ZCCHC7: variants seen among roughly 807,000 people sequenced by gnomAD.
ZCCHC7 encodes the protein zinc finger CCHC-type containing 7, also known as zinc finger CCHC domain-containing protein 7.
Under a neutral mutation model 52.0 loss-of-function variants are expected in ZCCHC7, and 35 were observed. That is an observed-to-expected ratio of 0.67 (90% CI 0.51 to 0.89). ZCCHC7 has a LOEUF of 0.89. ZCCHC7 is among the 40% of genes least tolerant of loss of function. The pLI, the probability that ZCCHC7 is intolerant of heterozygous loss-of-function variation, is 0.00. For missense variants in ZCCHC7, 574 were observed against 649.1 expected (o/e 0.88, Z 1.26); for synonymous variants, 217 against 221.5 (o/e 0.98, Z 0.18).
intron 2 of ZCCHC7, among the ~76,000 whole-genome samples, chr9:37,157,616 A>G (rs532272912): frequency 2.6e-5 from 4 of 152,246 alleles, no homozygotes; most frequent in Non-Finnish European, 5.9e-5. Context: ...AAGTAACCCA[A>G]TTAAAAAATG....
chr9:37,305,319 G>A (rs1353589706), intron 4 of ZCCHC7, among the ~76,000 whole-genome samples: 1 of 152,122 alleles, frequency 6.6e-6, no homozygotes, highest in Non-Finnish European at 1.5e-5. Flanking sequence ...AGAGGCATAA[G>A]GAATATATGC....
intron 4 of ZCCHC7, 66 bp from the exon 5 acceptor site, chr9:37,305,478 G>A: frequency 1.3e-6 from 2 of 1,574,888 alleles, no homozygotes; most frequent in Non-Finnish European, 1.7e-6. Flanking sequence ...GGATTATATT[G>A]AAAAACAAAT....
chr9:37,293,890 C>T, intron 2 of ZCCHC7, among the ~76,000 whole-genome samples: 1 of 152,066 alleles, frequency 6.6e-6, no homozygotes, highest in East Asian at 1.9e-4. Flanking sequence ...TTTATTTCCT[C>T]TTTCTTCTTC....
intron 2 of ZCCHC7, among the ~76,000 whole-genome samples, chr9:37,130,579 G>T (rs1222068478): frequency 6.7e-6 from 1 of 150,054 alleles, no homozygotes; most frequent in African/African-American, 2.5e-5. Flanking sequence ...TGCAAGCTGC[G>T]CCTCCCGGGT....
intron 5 of ZCCHC7, among the ~76,000 whole-genome samples, chr9:37,316,846 T>C (rs1829843612): frequency 1.3e-5 from 2 of 149,064 alleles, no homozygotes; most frequent in African/African-American, 5.0e-5. Context: ...CTGCCAGTAC[T>C]GGTGGGATTT....
At chr9:37,199,479 A>G (rs1475517228) in intron 2 of ZCCHC7, among the ~76,000 whole-genome samples, 1 of 148,772 alleles carries the variant, frequency 6.7e-6, no homozygotes, top group South Asian at 2.1e-4. Context: ...TTATAGGCAT[A>G]CACCACCACG....
intron 2 of ZCCHC7, among the ~76,000 whole-genome samples, chr9:37,244,683 G>A (rs1485077358): frequency 2.0e-5 from 3 of 151,866 alleles, no homozygotes; most frequent in Non-Finnish European, 4.4e-5. Flanking sequence ...CTAAAAAGAA[G>A]TGGTAAATGT....
chr9:37,140,386 GA>G (rs1433587924), intron 2 of ZCCHC7, among the ~76,000 whole-genome samples: 2 of 151,940 alleles, frequency 1.3e-5, no homozygotes, highest in Non-Finnish European at 2.9e-5. Flanking sequence ...AATTTTGTGG[GA>G]GAATAAATAT....
chr9:37,211,150 G>A (rs906346263), intron 2 of ZCCHC7, among the ~76,000 whole-genome samples: 4 of 152,102 alleles, frequency 2.6e-5, no homozygotes, highest in South Asian at 4.1e-4. Flanking sequence ...TAAGTGTTTC[G>A]CATGATCAAA....
intron 2 of ZCCHC7, among the ~76,000 whole-genome samples, chr9:37,257,564 A>T (rs1826649882): frequency 6.6e-6 from 1 of 152,202 alleles, no homozygotes; most frequent in Non-Finnish European, 1.5e-5. Flanking sequence ...TAGATTTTTC[A>T]TAGAAGTTTC....
At chr9:37,218,484 T>C (rs1006972726) in intron 2 of ZCCHC7, among the ~76,000 whole-genome samples, 12 of 152,210 alleles carry the variant, frequency 7.9e-5, no homozygotes, top group African/African-American at 2.9e-4. Flanking sequence ...TTTTCTTACC[T>C]GTAAAACTTA....
Position 37,357,136 on chromosome 9 carries a change from T to C in ZCCHC7, c.1500T>C (p.His500=). The C allele has an allele frequency of 6.2e-7, 1 of 1,613,390 alleles. No individual in the cohort carries two copies. The highest frequency in any genetic ancestry group is 1.1e-5 in the South Asian group (1 of 91,056). The part of the protein sequence containing the change: ...KPSKPFHRSS[H]YHTSREDKSP... ...CTAAGCCCTTTCACCGTTCATCACA[T>C]TACCACACGTCAAGAGAAGACAAGT... Residue 500 remains histidine (H), a synonymous_variant, in exon 9 of 9, where the codon CAT becomes CAC. Coordinates refer to ENST00000336755, the MANE Select transcript of ZCCHC7 (RefSeq NM_032226.3).
At chr9:37,325,846 A>G (rs1057219496) in intron 5 of ZCCHC7, among the ~76,000 whole-genome samples, 1 of 152,218 alleles carries the variant, frequency 6.6e-6, no homozygotes, top group Admixed American at 6.5e-5. Flanking sequence ...AATGAAAAGA[A>G]GTTTCATGTC....
chr9:37,123,379 G>A (rs1213140958), intron 1 of ZCCHC7, among the ~76,000 whole-genome samples: 1 of 152,090 alleles, frequency 6.6e-6, no homozygotes, highest in African/African-American at 2.4e-5. Context: ...ACCTAAATAA[G>A]AGAGCACGTT....
chr9:37,198,640 G>C (rs922435983), intron 2 of ZCCHC7, among the ~76,000 whole-genome samples: 1 of 152,296 alleles, frequency 6.6e-6, no homozygotes, highest in African/African-American at 2.4e-5. Context: ...AATTCAGTTG[G>C]CATACTTATG....
At chr9:37,333,288 A>G (rs1830521048) in intron 6 of ZCCHC7, among the ~76,000 whole-genome samples, 1 of 151,676 alleles carries the variant, frequency 6.6e-6, no homozygotes, top group African/African-American at 2.4e-5. Flanking sequence ...CCATCTTCTA[A>G]ATATCTTTAA....
intron 2 of ZCCHC7, among the ~76,000 whole-genome samples, chr9:37,183,542 G>A (rs1340052403): frequency 6.6e-6 from 1 of 152,106 alleles, no homozygotes; most frequent in Non-Finnish European, 1.5e-5. Flanking sequence ...TTTCTTTGAT[G>A]TTCATTTGAA....
chr9:37,354,933 T>G lies in ZCCHC7; in HGVS notation c.1198+109T>G, dbSNP rs575003895. The G allele has an allele frequency of 4.5e-5, 29 of 646,130 alleles. No individual in the cohort carries two copies. The East Asian group carries it at 7.3e-4, about 16-fold the overall frequency. The allele number at this position is 646,130 out of a possible 1,614,324, so 40.0% of individuals were successfully genotyped here. The stretch of plus-strand genomic sequence containing the variant: ...GTCATTGGTTAGCATAGAAAGTATT[T>G]TTAGTAATTACCAAAGAGACTGGAA... On this transcript the variant is annotated intron_variant, in intron 8 of 8. Transcript: ENST00000336755. This position sits in a 1 kb window ranked among gnomAD's most constrained non-coding sequence, Gnocchi z 4.0.
chr9:37,312,989 G>C (rs1308422950), intron 5 of ZCCHC7, among the ~76,000 whole-genome samples: 1 of 152,086 alleles, frequency 6.6e-6, no homozygotes, highest in East Asian at 1.9e-4. Context: ...GAATGAAGGG[G>C]AAAAGAAAAA....
Sources: gnomAD v4.1 joint callset for allele counts (sites outside exome capture counted in the v4.1 genomes callset) on GRCh38, gnomAD v4.1.1 for gene constraint, Gnocchi (gnomAD v3.1) non-coding constraint, MANE v1.5 for transcripts, NCBI Gene and HGNC (gene_info 2026-07-23, HGNC 2026-07-21) for gene names.